Variants in RICTOR observed in about 807,000 individuals in gnomAD.
RICTOR encodes the protein rapamycin-insensitive companion of mTOR.
In RICTOR, 49 loss-of-function variants were observed where a neutral mutation model predicts 214.9. The ratio of observed to expected loss-of-function variants is 0.23; its 90% CI spans 0.18 to 0.29. The LOEUF is 0.29. RICTOR is among the 10% of genes least tolerant of loss of function. RICTOR has a pLI of 1.00. For synonymous variants in RICTOR, 717 were observed against 711.3 expected (o/e 1.01, Z -0.13); for missense variants, 1,625 against 2,047.0 (o/e 0.79, Z 3.98).
At chr5:38,967,281 C>G in intron 13 of RICTOR, 54 bp from the exon 14 acceptor site, 1 of 1,595,196 alleles carries the variant, frequency 6.3e-7, no homozygotes. Flanking sequence ...ATTACACAGT[C>G]TAACATAAAA....
At position 38,950,385 on chromosome 5, in the gene RICTOR, T is replaced by C. The variant is rs749837385; in HGVS notation, c.3463A>G (p.Lys1155Glu). The stretch of plus-strand genomic sequence containing the variant: ...AATGAAGTCTCTAATTGTAATGTTT[T>C]CTGTACAGTGGATATGGGTGTAAAA... ...DDFTPISTVQ[K>E]TLQLETSFMG... Residue 1155 changes from lysine to glutamate, a missense_variant, in exon 31 of 38, where the codon AAA (lysine) becomes GAA (glutamate). By Grantham distance (56) the Lys-to-Glu change is moderately conservative. Around this residue, in one of 5 missense-constraint regions of RICTOR, gnomAD observed 1,214 missense variants for 1,470.5 expected, o/e 0.83. Transcript: ENST00000357387. 6.2e-7 allele frequency: 1 copy of C among 1,613,394 alleles called. No individual in the cohort carries two copies. The highest frequency in any genetic ancestry group is 1.1e-5 in the South Asian group (1 of 91,060).
chr5:39,056,330 G>T (rs1273047881), intron 2 of RICTOR, among the ~76,000 whole-genome samples: 1 of 152,094 alleles, frequency 6.6e-6, no homozygotes, highest in African/African-American at 2.4e-5. Flanking sequence ...AGTGACAAGG[G>T]CTATGAAAGA....
intron 2 of RICTOR, among the ~76,000 whole-genome samples, chr5:39,046,878 C>A (rs1757535975): frequency 1.3e-5 from 2 of 152,240 alleles, no homozygotes; most frequent in Non-Finnish European, 1.5e-5. Context: ...ATATCCTTTT[C>A]CTCAGGTTTC....
intron 2 of RICTOR, among the ~76,000 whole-genome samples, chr5:39,059,735 T>C (rs1354520642): frequency 6.6e-6 from 1 of 150,822 alleles, no homozygotes; most frequent in East Asian, 1.9e-4. Context: ...CTTTCTATGA[T>C]TTTTTTTCCA....
At chr5:39,000,014 G>A (rs1753494205) in intron 5 of RICTOR, among the ~76,000 whole-genome samples, 1 of 151,810 alleles carries the variant, frequency 6.6e-6, no homozygotes, top group Non-Finnish European at 1.5e-5. Context: ...AGTATTACTA[G>A]GAATAAAGAG....
chr5:38,995,743 T>C (rs1174683609), intron 6 of RICTOR, among the ~76,000 whole-genome samples: 2 of 152,134 alleles, frequency 1.3e-5, no homozygotes, highest in Non-Finnish European at 2.9e-5. Flanking sequence ...TGTTTTATCT[T>C]GAATTCTCAG....
At chr5:39,003,416 T>C (rs950178593) in intron 4 of RICTOR, 142 bp downstream of exon 4, 1 of 529,000 alleles carries the variant, frequency 1.9e-6, no homozygotes, top group African/African-American at 2.0e-5. Context: ...CTGTAGCTCT[T>C]AGATTTTTTC....
At chr5:38,957,935 A>G (rs1445505450) in intron 24 of RICTOR, among the ~76,000 whole-genome samples, 3 of 152,148 alleles carry the variant, frequency 2.0e-5, no homozygotes, top group Non-Finnish European at 4.4e-5. Flanking sequence ...ACGCGAACCC[A>G]ATCACAATAA....
At chr5:38,943,426 T>C (rs1375241553) in intron 36 of RICTOR, among the ~76,000 whole-genome samples, 2 of 152,104 alleles carry the variant, frequency 1.3e-5, no homozygotes, top group Non-Finnish European at 2.9e-5. Flanking sequence ...AGTGACCAGT[T>C]AAGGGCCCGC....
Position 38,952,052 on chromosome 5 carries a change from A to G in RICTOR, c.3127+144T>C, listed in dbSNP as rs192034863. ...ATTATACTCTTTGTTATGAAAATAT[A>G]CACATTCTCCAAGAGGCTATTATTG... is the stretch of plus-strand genomic sequence containing the variant. On this transcript the variant is annotated intron_variant, in intron 30 of 37. Coordinates refer to ENST00000357387, the MANE Select transcript of RICTOR (RefSeq NM_152756.5). The G allele has an allele frequency of 2.5e-3, 1,514 of 596,714 alleles. 6 individuals carry two copies. Among genetic ancestry groups the G allele is most frequent in the South Asian group, 9.0e-3 (412 of 45,994 alleles). 37.0% of individuals were successfully genotyped at this position (596,714 alleles called of 1,614,324 possible). A position where few individuals can be genotyped will look rare whatever the true frequency, so the allele number is the denominator to read the frequency against.
intron 7 of RICTOR, among the ~76,000 whole-genome samples, chr5:38,986,541 T>C (rs1489852201): frequency 6.6e-6 from 1 of 152,230 alleles, no homozygotes; most frequent in Non-Finnish European, 1.5e-5. Flanking sequence ...TTGAAATTAT[T>C]TGTTAAATAA....
Position 38,978,341 on chromosome 5 carries a change from C to A in RICTOR, c.821+242G>T, listed in dbSNP as rs537159734. ...AATATATACATTACAAAAACAATGA[C>A]CTTGGTTTCTGTCACAGTCTACCAT... On this transcript the variant is annotated intron_variant, in intron 9 of 37. Transcript: ENST00000357387. Among the ~76,000 whole-genome samples, 155 of 150,636 alleles carry A rather than the reference C, an allele frequency of 1.0e-3. 1 individual carries two copies. The highest frequency in any genetic ancestry group is 0.01 in the Middle Eastern group (3 of 294).
intron 2 of RICTOR, among the ~76,000 whole-genome samples, chr5:39,033,855 CTA>C (rs1451662578): frequency 6.6e-6 from 1 of 152,138 alleles, no homozygotes; most frequent in Non-Finnish European, 1.5e-5. Context: ...AAACAAATAA[CTA>C]TATGTTTTTA....
intron 31 of RICTOR, chr5:38,949,275 A>C (rs1386712376): frequency 1.1e-6 from 1 of 880,512 alleles, no homozygotes; most frequent in Non-Finnish European, 1.7e-6. Flanking sequence ...CTTAAAGTGA[A>C]AATAATTTCA....
intron 2 of RICTOR, among the ~76,000 whole-genome samples, chr5:39,067,614 C>T (rs1758997183): frequency 6.6e-6 from 1 of 152,126 alleles, no homozygotes; most frequent in Non-Finnish European, 1.5e-5. Context: ...CCATTTATAT[C>T]CCTTTTCTCA....
At chr5:39,072,358 T>G (rs2150225950) in intron 2 of RICTOR, among the ~76,000 whole-genome samples, 1 of 152,300 alleles carries the variant, frequency 6.6e-6, no homozygotes, top group East Asian at 1.9e-4. Context: ...ATCAGATGTG[T>G]ACCTAAGCTC....
chr5:38,946,464 T>C lies in RICTOR; in HGVS notation c.4399+4A>G. The C allele has an allele frequency of 6.3e-7, 1 of 1,582,880 alleles. No individual in the cohort carries two copies. The highest frequency in any genetic ancestry group is 8.7e-7 in the Non-Finnish European group (1 of 1,151,616). ...TCTCACAAGTACAATGCACAATGCA[T>C]TACCTCCTGCATCATGGGCAAATGC... On this transcript the variant is annotated splice_donor_region_variant and intron_variant, in intron 33 of 37. Coordinates refer to ENST00000357387, the MANE Select transcript of RICTOR (RefSeq NM_152756.5).
intron 8 of RICTOR, chr5:38,981,219 T>C (rs1751692502): frequency 6.6e-6 from 1 of 152,128 alleles, no homozygotes; most frequent in Non-Finnish European, 1.5e-5. Context: ...TACAAACAAA[T>C]CCTTGATTTA....
intron 2 of RICTOR, among the ~76,000 whole-genome samples, chr5:39,027,008 CA>C (rs1409001157): frequency 6.6e-6 from 1 of 151,484 alleles, no homozygotes; most frequent in African/African-American, 2.4e-5. Flanking sequence ...AACCCCATCT[CA>C]AAAAAATAAA....
Sources: gnomAD v4.1 joint callset for allele counts (sites outside exome capture counted in the v4.1 genomes callset) on GRCh38, gnomAD v4.1.1 for gene constraint, gnomAD v4.1.1 regional missense constraint, MANE v1.5 for transcripts, NCBI Gene and HGNC (gene_info 2026-07-23, HGNC 2026-07-21) for gene names.